STARD13: variants seen among roughly 807,000 people sequenced by gnomAD.
The protein encoded by STARD13 is stAR-related lipid transfer protein 13.
A neutral mutation model predicts 106.4 loss-of-function variants in STARD13; 62 were observed. The observed-to-expected ratio is 0.58, with a 90% CI of 0.48 to 0.72. The LOEUF (loss-of-function observed/expected upper bound fraction) is 0.72. STARD13 is among the 30% of genes least tolerant of loss of function. The probability of loss-of-function intolerance (pLI) is 0.00; values close to 1 mark genes in which losing one functional copy is unlikely to be tolerated. For synonymous variants in STARD13, 565 were observed against 553.0 expected (o/e 1.02, Z -0.31); for missense variants, 1,387 against 1,424.0 (o/e 0.97, Z 0.42).
chr13:33,197,013 A>T lies in STARD13; in HGVS notation c.170-29391T>A, dbSNP rs1390192525. Among the ~76,000 whole-genome samples the T allele has an allele frequency of 2.0e-5, 3 of 152,234 alleles. No homozygotes were observed. In the East Asian group the frequency reaches 5.8e-4, roughly 29 times the overall value. On this transcript the variant is annotated intron_variant, in intron 1 of 13. Transcript: ENST00000336934. ...ACATAAAGATAGATATATTGGGAGTACTGCTCAAGATTTTGTTACTGATAT... is the reference window on the plus strand; with the variant it reads ...ACATAAAGATAGATATATTGGGAGTTCTGCTCAAGATTTTGTTACTGATAT...
At chr13:33,386,755 C>T in the STARD13 span, among the ~76,000 whole-genome samples, 1 of 152,086 alleles carries the variant, frequency 6.6e-6, no homozygotes, top group East Asian at 1.9e-4. Context: ...GCCAAGTTCT[C>T]TGGTTCTCTT....
At chr13:33,338,995 G>C (rs1288155470) in intron 1 of STARD13, among the ~76,000 whole-genome samples, 1 of 151,856 alleles carries the variant, frequency 6.6e-6, no homozygotes, top group Non-Finnish European at 1.5e-5. Flanking sequence ...CCTTTATCAG[G>C]AACACATGCC....
chr13:33,240,959 T>A (rs1375003206), intron 1 of STARD13, among the ~76,000 whole-genome samples: 1 of 149,964 alleles, frequency 6.7e-6, no homozygotes, highest in East Asian at 1.9e-4. Context: ...TTCTAACCAT[T>A]TTTTGGTGGA....
At chr13:33,629,413 T>C in the STARD13 span, among the ~76,000 whole-genome samples, 4 of 152,340 alleles carry the variant, frequency 2.6e-5, no homozygotes, top group Non-Finnish European at 2.9e-5. Context: ...TAGAAGTGAA[T>C]ACAATGCTGC....
the STARD13 span, among the ~76,000 whole-genome samples, chr13:33,630,466 A>G: frequency 6.6e-6 from 1 of 152,220 alleles, no homozygotes; most frequent in African/African-American, 2.4e-5. Flanking sequence ...CCGCCACCAC[A>G]TAATGATTTT....
the STARD13 span, among the ~76,000 whole-genome samples, chr13:33,631,143 TACA>T: frequency 2.1e-3 from 321 of 152,332 alleles, 2 homozygotes; most frequent in African/African-American, 7.4e-3. Flanking sequence ...TTTATGAGCT[TACA>T]ACAAGACTCA....
chr13:33,283,386 C>T (rs1406508462), intron 1 of STARD13, among the ~76,000 whole-genome samples: 1 of 152,144 alleles, frequency 6.6e-6, no homozygotes, highest in Non-Finnish European at 1.5e-5. Flanking sequence ...GGATAAGATG[C>T]TTGAAATCTG....
the STARD13 span, among the ~76,000 whole-genome samples, chr13:33,541,818 A>C: frequency 6.6e-6 from 1 of 152,260 alleles, no homozygotes; most frequent in African/African-American, 2.4e-5. Context: ...GAGCGGATGC[A>C]GATTCATACA....
At chr13:33,353,481 C>A (rs1275660861), upstream of STARD13, among the ~76,000 whole-genome samples, 2 of 152,124 alleles carry the variant, frequency 1.3e-5, no homozygotes, top group African/African-American at 2.4e-5. Flanking sequence ...TCACAGATGG[C>A]CTCACATGGT....
chr13:33,593,406 A>C, the STARD13 span, among the ~76,000 whole-genome samples: 1 of 152,116 alleles, frequency 6.6e-6, no homozygotes, highest in Non-Finnish European at 1.5e-5. Context: ...GCTGGTCTCA[A>C]ACTCCTGACC....
chr13:33,150,821 TA>T (rs1881174822), intron 3 of STARD13, among the ~76,000 whole-genome samples: 1 of 152,234 alleles, frequency 6.6e-6, no homozygotes, highest in Non-Finnish European at 1.5e-5. Flanking sequence ...TGTGAAATAG[TA>T]GTCTCATTTT....
At chr13:33,121,029 C>T (rs1265186668) in intron 7 of STARD13, among the ~76,000 whole-genome samples, 2 of 152,186 alleles carry the variant, frequency 1.3e-5, no homozygotes, top group Non-Finnish European at 2.9e-5. Context: ...GTGTGAGCCG[C>T]CATGGCTGGC....
At chr13:33,400,465 A>AT in the STARD13 span, among the ~76,000 whole-genome samples, 8,588 of 140,468 alleles carry the variant, frequency 0.061, 755 homozygotes, top group African/African-American at 0.2. Context: ...TTCAATGGCT[A>AT]TTTTTTTTTT....
chr13:33,168,441 G>GAA (rs1883578610), intron 1 of STARD13, among the ~76,000 whole-genome samples: 1 of 152,122 alleles, frequency 6.6e-6, no homozygotes, highest in Non-Finnish European at 1.5e-5. Flanking sequence ...TACAGTATGT[G>GAA]AACCAGGTCA....
the STARD13 span, chr13:33,439,693 ACT>A: frequency 1.6e-6 from 2 of 1,268,548 alleles, no homozygotes; most frequent in Non-Finnish European, 2.1e-6. Context: ...AGACTTACCC[ACT>A]CTTTCTTTGG....
intron 1 of STARD13, among the ~76,000 whole-genome samples, chr13:33,260,004 A>G: frequency 6.6e-6 from 1 of 151,710 alleles, no homozygotes; most frequent in Non-Finnish European, 1.5e-5. Flanking sequence ...TCCAAAAAAA[A>G]AAAAAAAAAA....
chr13:33,646,694 T>C, the STARD13 span, among the ~76,000 whole-genome samples: 3 of 151,946 alleles, frequency 2.0e-5, no homozygotes, highest in Non-Finnish European at 4.4e-5. Flanking sequence ...TTTTTTTTAA[T>C]GAAATTTAGG....
rs180813345 is a variant in STARD13, at chr13:33,292,346, G to A, written c.124+57944C>T. ...GCCCTCATAAAGAATCAGCAGGCCT[G>A]TAATCCCAACACTTTGGGTGCATCA... On this transcript the variant is annotated intron_variant, in intron 1 of 5. Transcript: ENST00000567873. 6.1e-4 allele frequency among the ~76,000 whole-genome samples: 93 copies of A among 151,724 alleles called. 1 individual carries two copies. Among genetic ancestry groups the A allele is most frequent in the South Asian group, 1.2e-3 (6 of 4,802 alleles).
At chr13:33,229,898 C>T (rs1277148027) in intron 1 of STARD13, among the ~76,000 whole-genome samples, 1 of 152,212 alleles carries the variant, frequency 6.6e-6, no homozygotes, top group African/African-American at 2.4e-5. Context: ...AATGGGTTCA[C>T]AATTTGCAGG....
Sources: gnomAD v4.1 joint callset for allele counts (sites outside exome capture counted in the v4.1 genomes callset) on GRCh38, gnomAD v4.1.1 for gene constraint, MANE v1.5 for transcripts, NCBI Gene and HGNC (gene_info 2026-07-23, HGNC 2026-07-21) for gene names.